MCC: variants seen among roughly 807,000 people sequenced by gnomAD.
MCC encodes MCC regulator of Wnt signaling pathway.
In MCC, 90 loss-of-function variants were observed where a neutral mutation model predicts 116.2. That is an observed-to-expected ratio of 0.77 (90% confidence interval 0.65 to 0.92). The LOEUF is 0.92. Ranked by LOEUF, MCC falls within the 40% of genes least tolerant of loss-of-function variation. The pLI, the probability that MCC is intolerant of heterozygous loss-of-function variation, is 0.00. For synonymous variants in MCC, 578 were observed against 510.5 expected (o/e 1.13, Z -1.78); for missense variants, 1,516 against 1,312.2 (o/e 1.16, Z -2.40).
intron 14 of MCC, among the ~76,000 whole-genome samples, chr5:113,057,127 C>A (rs571326823): frequency 6.6e-6 from 1 of 152,232 alleles, no homozygotes; most frequent in African/African-American, 2.4e-5. Context: ...GAGATGGTGA[C>A]TGAAGCAGTC....
At chr5:113,118,963 G>A (rs1310994225) in intron 6 of MCC, among the ~76,000 whole-genome samples, 13 of 152,174 alleles carry the variant, frequency 8.5e-5, no homozygotes, top group Admixed American at 6.5e-4. Context: ...CTGCTCGGCT[G>A]TGACCTCTGG....
intron 15 of MCC, among the ~76,000 whole-genome samples, chr5:113,052,279 C>G (rs553494080): frequency 6.6e-6 from 1 of 152,150 alleles, no homozygotes; most frequent in East Asian, 1.9e-4. Context: ...ATAGCTCGTG[C>G]CACAGGCTGC....
At chr5:113,403,960 G>C (rs990810828) in intron 1 of MCC, among the ~76,000 whole-genome samples, 2 of 152,190 alleles carry the variant, frequency 1.3e-5, no homozygotes, top group Admixed American at 6.5e-5. Context: ...TCCGCCTCCC[G>C]GGTTCAAGCG....
intron 1 of MCC, among the ~76,000 whole-genome samples, chr5:113,403,833 T>C (rs1050414523): frequency 3.3e-5 from 5 of 152,122 alleles, no homozygotes; most frequent in Non-Finnish European, 5.9e-5. Context: ...CCACCAACAC[T>C]TTGGTTTTAA....
Position 113,104,277 on chromosome 5 carries a change from C to T in MCC, c.1106G>A (p.Ser369Asn), listed in dbSNP as rs1468339142. 1.2e-6 allele frequency: 2 copies of T among 1,613,978 alleles called. No individual in the cohort carries two copies. The highest frequency in any genetic ancestry group is 2.7e-5 in the African/African-American group (2 of 74,926). Residue 369 changes from serine (S) to asparagine (N), a missense_variant, in exon 7 of 19, where the codon AGC becomes AAC. Ser to Asn is a conservative substitution (Grantham distance 46). Transcript: ENST00000408903. ...LENVVCGRKK[S>N]SCSLSVAEVD... ...CTCGGCCACGGAGAGGCTGCAGCTGCTCTTCTTCCTGCCGCAGACAACATT... is the reference window on the plus strand; with the variant it reads ...CTCGGCCACGGAGAGGCTGCAGCTGTTCTTCTTCCTGCCGCAGACAACATT...
At chr5:113,262,624 G>T (rs375532941) in intron 3 of MCC, among the ~76,000 whole-genome samples, 1 of 152,108 alleles carries the variant, frequency 6.6e-6, no homozygotes, top group African/African-American at 2.4e-5. Context: ...AAATAAAGAG[G>T]CCAAAGATAA....
intron 1 of MCC, among the ~76,000 whole-genome samples, chr5:113,471,036 C>T (rs1772074927): frequency 6.6e-6 from 1 of 152,184 alleles, no homozygotes; most frequent in African/African-American, 2.4e-5. Context: ...TCCATCAGGT[C>T]TTTTAAGGAC....
intron 3 of MCC, among the ~76,000 whole-genome samples, chr5:113,171,698 G>A (rs1342153425): frequency 6.6e-6 from 1 of 152,126 alleles, no homozygotes; most frequent in African/African-American, 2.4e-5. Flanking sequence ...CTAATTGGTG[G>A]CTCTGTGGCC....
chr5:113,467,545 C>A (rs1288763884), intron 1 of MCC, among the ~76,000 whole-genome samples: 2 of 152,036 alleles, frequency 1.3e-5, no homozygotes, highest in African/African-American at 4.8e-5. Context: ...TGGTCTATAT[C>A]TCTGTTTTGG....
intron 1 of MCC, among the ~76,000 whole-genome samples, chr5:113,443,650 A>G (rs1771115201): frequency 6.6e-6 from 1 of 152,062 alleles, no homozygotes; most frequent in African/African-American, 2.4e-5. Context: ...AATAGCTCTT[A>G]TTATTTTGAG....
chr5:113,169,598 G>C (rs1760965787), intron 3 of MCC, among the ~76,000 whole-genome samples: 1 of 152,164 alleles, frequency 6.6e-6, no homozygotes, highest in African/African-American at 2.4e-5. Context: ...GTGGTGCCAA[G>C]GGGGTTAATG....
intron 15 of MCC, among the ~76,000 whole-genome samples, chr5:113,049,547 T>A (rs1210674925): frequency 2.6e-5 from 4 of 152,196 alleles, no homozygotes; most frequent in Non-Finnish European, 4.4e-5. Flanking sequence ...GACAGAAGGG[T>A]AGAAGTTACA....
chr5:113,187,909 T>C (rs920840768), intron 3 of MCC, among the ~76,000 whole-genome samples: 1 of 152,166 alleles, frequency 6.6e-6, no homozygotes, highest in Non-Finnish European at 1.5e-5. Context: ...CTTACAGTTC[T>C]AGTGCATGCT....
intron 4 of MCC, among the ~76,000 whole-genome samples, chr5:113,147,857 TATCTC>T (rs1759616476): frequency 6.6e-6 from 1 of 152,202 alleles, no homozygotes. Flanking sequence ...TCAGAAAAGT[TATCTC>T]AGAAAACAAG....
At chr5:113,227,046 T>C (rs981045271) in intron 3 of MCC, among the ~76,000 whole-genome samples, 6 of 152,250 alleles carry the variant, frequency 3.9e-5, no homozygotes, top group East Asian at 1.9e-4. Flanking sequence ...TATTTAACAG[T>C]AGCAGAGACA....
chr5:113,194,140 T>C (rs1762272871), intron 3 of MCC, among the ~76,000 whole-genome samples: 1 of 152,196 alleles, frequency 6.6e-6, no homozygotes, highest in African/African-American at 2.4e-5. Flanking sequence ...CGTCTAGTCC[T>C]GTGATTGGCG....
chr5:113,143,397 T>G (rs764469178), intron 4 of MCC, 37 bp from the exon 5 acceptor site: 1 of 1,611,388 alleles, frequency 6.2e-7, no homozygotes, highest in Non-Finnish European at 8.5e-7. Flanking sequence ...TGCTGATGAA[T>G]TCATGCACCT....
intron 3 of MCC, among the ~76,000 whole-genome samples, chr5:113,299,292 C>CAAAAAAAAAAAAAAAAAAAAAA (rs58372049): frequency 1.9e-5 from 1 of 52,062 alleles, no homozygotes; most frequent in Non-Finnish European, 3.9e-5. Flanking sequence ...GACTCCGTCT[C>CAAAAAAAAAAAAAAAAAAAAAA]AAAAAAAAAA....
chr5:113,362,847 C>T (rs1366154685), intron 2 of MCC, among the ~76,000 whole-genome samples: 1 of 152,078 alleles, frequency 6.6e-6, no homozygotes, highest in Non-Finnish European at 1.5e-5. Context: ...TCTTTTTTTA[C>T]ACTAATGGGA....
Sources: gnomAD v4.1 joint callset for allele counts (sites outside exome capture counted in the v4.1 genomes callset) on GRCh38, gnomAD v4.1.1 for gene constraint, MANE v1.5 for transcripts, NCBI Gene and HGNC (gene_info 2026-07-23, HGNC 2026-07-21) for gene names.